ZNF475: variants seen among roughly 807,000 people sequenced by gnomAD.
ZNF475 encodes the protein zinc finger protein 475.
the ZNF475 span, among the ~76,000 whole-genome samples, chr5:122,170,692 G>A: frequency 2.0e-5 from 3 of 152,150 alleles, no homozygotes; most frequent in Non-Finnish European, 4.4e-5. Context: ...TTGAACATTA[G>A]TGATTATCTC....
At chr5:122,177,185 C>T in the ZNF475 span, among the ~76,000 whole-genome samples, 3 of 152,256 alleles carry the variant, frequency 2.0e-5, no homozygotes, top group East Asian at 1.9e-4. Flanking sequence ...GGTATTTATT[C>T]GCTAACTCTC....
the ZNF475 span, among the ~76,000 whole-genome samples, chr5:122,170,815 G>A: frequency 1.3e-5 from 2 of 152,074 alleles, no homozygotes; most frequent in Admixed American, 6.6e-5. Context: ...AAGCTGTCTG[G>A]GCGGTCCTAG....
chr5:122,169,740 T>C, the ZNF475 span, among the ~76,000 whole-genome samples: 1 of 152,176 alleles, frequency 6.6e-6, no homozygotes, highest in Non-Finnish European at 1.5e-5. Flanking sequence ...GAATGGGCAA[T>C]ACAGGATCCA....
chr5:122,182,370 A>G, the ZNF475 span: 7 of 698,618 alleles, frequency 1.0e-5, no homozygotes, highest in South Asian at 5.8e-5. Flanking sequence ...AATATTTTCC[A>G]TAGAAAGTAG....
At chr5:122,181,085 C>T in the ZNF475 span, among the ~76,000 whole-genome samples, 1 of 152,172 alleles carries the variant, frequency 6.6e-6, no homozygotes, top group Non-Finnish European at 1.5e-5. Flanking sequence ...CCTGGTGGTT[C>T]ACTATTCTGT....
the ZNF475 span, among the ~76,000 whole-genome samples, chr5:122,168,450 C>A: frequency 1.6e-4 from 24 of 152,324 alleles, no homozygotes; most frequent in African/African-American, 5.5e-4. Context: ...TTGTATCAAG[C>A]CTGTAATCCC....
At chr5:122,165,758 C>G in the ZNF475 span, among the ~76,000 whole-genome samples, 239 of 131,028 alleles carry the variant, frequency 1.8e-3, 6 homozygotes, top group East Asian at 5.4e-3. Flanking sequence ...ATGATGCAAC[C>G]TACAAAAAAA....
the ZNF475 span, among the ~76,000 whole-genome samples, chr5:122,171,137 T>TAA: frequency 6.6e-6 from 1 of 151,998 alleles, no homozygotes; most frequent in South Asian, 2.1e-4. Context: ...ATTATATATA[T>TAA]AATCTTTGAA....
At chr5:122,178,216 T>G in the ZNF475 span, among the ~76,000 whole-genome samples, 1 of 152,238 alleles carries the variant, frequency 6.6e-6, no homozygotes, top group Non-Finnish European at 1.5e-5. Flanking sequence ...CATGTGCCTG[T>G]GTCTTTATAG....
the ZNF475 span, among the ~76,000 whole-genome samples, chr5:122,161,598 T>G: frequency 6.6e-6 from 1 of 152,202 alleles, no homozygotes; most frequent in African/African-American, 2.4e-5. Flanking sequence ...TGTAGACAAA[T>G]CAGGCACTAG....
chr5:122,173,983 C>T, the ZNF475 span, among the ~76,000 whole-genome samples: 6 of 152,228 alleles, frequency 3.9e-5, no homozygotes, highest in African/African-American at 1.4e-4. Context: ...TTCCTCTTTG[C>T]CTTTCTTGGA....
the ZNF475 span, among the ~76,000 whole-genome samples, chr5:122,180,475 C>T: frequency 6.6e-6 from 1 of 152,300 alleles, no homozygotes; most frequent in East Asian, 1.9e-4. Context: ...TGCCATGTTT[C>T]GCCTCATCAC....
the ZNF475 span, among the ~76,000 whole-genome samples, chr5:122,164,128 T>C: frequency 1.3e-5 from 2 of 152,198 alleles, no homozygotes; most frequent in African/African-American, 2.4e-5. Flanking sequence ...ATAAGGTTAG[T>C]TCATTTCTTA....
chr5:122,173,790 T>G, the ZNF475 span, among the ~76,000 whole-genome samples: 1 of 152,242 alleles, frequency 6.6e-6, no homozygotes, highest in Non-Finnish European at 1.5e-5. Flanking sequence ...AAAATTGTGA[T>G]GAGCCCTGAT....
At chr5:122,175,039 A>G in the ZNF475 span, among the ~76,000 whole-genome samples, 1 of 152,226 alleles carries the variant, frequency 6.6e-6, no homozygotes, top group South Asian at 2.1e-4. Flanking sequence ...AGAAGGATAA[A>G]TAACTATTTA....
At chr5:122,163,754 C>G in the ZNF475 span, among the ~76,000 whole-genome samples, 4 of 152,306 alleles carry the variant, frequency 2.6e-5, no homozygotes. Context: ...GCAAAAATCC[C>G]CCAGAGAGTA....
At chr5:122,178,084 T>C in the ZNF475 span, among the ~76,000 whole-genome samples, 8 of 152,204 alleles carry the variant, frequency 5.3e-5, no homozygotes, top group African/African-American at 1.9e-4. Context: ...TCATCCTTTT[T>C]TAAGGTTGCA....
chr5:122,181,342 G>A, the ZNF475 span, among the ~76,000 whole-genome samples: 6,395 of 152,234 alleles, frequency 0.042, 450 homozygotes, highest in African/African-American at 0.14. Flanking sequence ...GAGAGTCAGT[G>A]ACTACTCTGG....
the ZNF475 span, chr5:122,162,988 TCAGA>T: frequency 6.6e-6 from 1 of 152,184 alleles, no homozygotes; most frequent in Non-Finnish European, 1.5e-5. Context: ...GCAACTGGAA[TCAGA>T]CAGACCTGGA....
Sources: allele counts gnomAD v4.1 joint callset (sites outside exome capture counted in the v4.1 genomes callset), GRCh38; gene constraint gnomAD v4.1.1; transcripts MANE v1.5; gene names NCBI Gene and HGNC (gene_info 2026-07-23, HGNC 2026-07-21).